The following PUDP variants were observed in gnomAD, a reference collection of about 807,000 sequenced individuals.
PUDP encodes the protein pseudouridine-5'-phosphatase.
PUDP carries 8 observed loss-of-function variants against 9.4 expected under a neutral mutation model. That is an observed-to-expected ratio of 0.85 (90% CI 0.50 to 1.53). The LOEUF (loss-of-function observed/expected upper bound fraction) is 1.53. Ranked by LOEUF, PUDP falls within the 40% of genes most tolerant of loss-of-function variation. PUDP has a pLI of 0.00. For synonymous variants in PUDP, 99 were observed against 80.7 expected (o/e 1.23, Z -1.22); for missense variants, 188 against 189.7 (o/e 0.99, Z 0.05).
chrX:6,809,991 G>C (rs1160223543), intron 3 of PUDP, among the ~76,000 whole-genome samples: 1 of 110,546 alleles, frequency 9.0e-6, no homozygotes, highest in Admixed American at 9.7e-5. Flanking sequence ...AAGGTGGGAA[G>C]ATCACTGGAG....
At chrX:7,015,644 T>C (rs772006295) in intron 1 of PUDP, among the ~76,000 whole-genome samples, 2 of 111,592 alleles carry the variant, frequency 1.8e-5, no homozygotes, top group South Asian at 7.7e-4. Flanking sequence ...GCCTGATCCA[T>C]GGTTCACCAC....
At chrX:6,778,371 C>T (rs1364625147) in intron 3 of PUDP, among the ~76,000 whole-genome samples, 1 of 112,454 alleles carries the variant, frequency 8.9e-6, no homozygotes, top group African/African-American at 3.2e-5. Context: ...GCTGAAAAAC[C>T]AGGATGACGA....
intron 3 of PUDP, among the ~76,000 whole-genome samples, chrX:6,737,188 T>A (rs985295341): frequency 1.8e-5 from 2 of 111,266 alleles, no homozygotes; most frequent in African/African-American, 6.5e-5. Context: ...GGAAGGATCC[T>A]CCCCTAGAGG....
chrX:6,987,145 T>C (rs1423945975), intron 1 of PUDP, among the ~76,000 whole-genome samples: 7 of 112,028 alleles, frequency 6.2e-5, no homozygotes, highest in South Asian at 3.7e-4. Context: ...TGGGATGTGA[T>C]GGATGTGGAC....
intron 1 of PUDP, among the ~76,000 whole-genome samples, chrX:6,981,086 T>C (rs777805770): frequency 8.9e-6 from 1 of 112,145 alleles, no homozygotes; most frequent in African/African-American, 3.2e-5. Context: ...TAAATTGATG[T>C]TGAATTGGAT....
At chrX:7,079,926 G>C (rs922522131) in intron 2 of PUDP, among the ~76,000 whole-genome samples, 1 of 111,835 alleles carries the variant, frequency 8.9e-6, no homozygotes, top group Admixed American at 9.5e-5. Flanking sequence ...CCTTAAGAAA[G>C]TGAAGGAAAA....
intron 3 of PUDP, among the ~76,000 whole-genome samples, chrX:6,808,888 C>T (rs1926094278): frequency 4.5e-5 from 5 of 112,339 alleles, no homozygotes; most frequent in South Asian, 3.7e-4. Flanking sequence ...AAAGAGGAAA[C>T]GGTTGCCTTG....
chrX:6,723,493 T>A (rs1222239668), upstream of PUDP, among the ~76,000 whole-genome samples: 3 of 99,744 alleles, frequency 3.0e-5, no homozygotes, highest in Non-Finnish European at 6.0e-5. Flanking sequence ...AAATATATAG[T>A]TTGATATTAT....
rs181200864 is a variant in PUDP, at chrX:6,857,809, G to A, written c.*247+119324C>T. Among the ~76,000 whole-genome samples, 3 of 111,783 alleles carry A rather than the reference G, an allele frequency of 2.7e-5. No homozygotes were observed. In the East Asian group the frequency reaches 8.4e-4, roughly 31 times the overall value. On this transcript the variant is annotated intron_variant and NMD_transcript_variant, in intron 3 of 3. Transcript: ENST00000655425. ...TATGCCCTCCTACAGAACCTTGGCT[G>A]CCATATGTTGAACACTCACCCTGTG...
At chrX:6,928,375 A>G (rs907702538) in intron 3 of PUDP, among the ~76,000 whole-genome samples, 3 of 111,610 alleles carry the variant, frequency 2.7e-5, no homozygotes, top group African/African-American at 9.8e-5. Context: ...TGGGGAGGAC[A>G]TCAGAGAGAC....
At chrX:7,131,443 T>G (rs1334851304) in intron 1 of PUDP, among the ~76,000 whole-genome samples, 5 of 109,822 alleles carry the variant, frequency 4.6e-5, no homozygotes, top group Admixed American at 9.7e-5. Context: ...GGGCCCTACA[T>G]CCAATGGCAG....
At chrX:6,737,957 A>G (rs986195498) in intron 3 of PUDP, among the ~76,000 whole-genome samples, 3 of 111,576 alleles carry the variant, frequency 2.7e-5, no homozygotes, top group African/African-American at 9.8e-5. Context: ...GAAGGTCATG[A>G]TGAGATTAAT....
intron 3 of PUDP, among the ~76,000 whole-genome samples, chrX:6,881,231 T>C (rs1927341707): frequency 8.9e-6 from 1 of 112,063 alleles, no homozygotes; most frequent in Admixed American, 9.5e-5. Context: ...GCAAGTGCAA[T>C]TTTTATAATG....
chrX:7,092,782 A>G (rs1294405418), intron 2 of PUDP, among the ~76,000 whole-genome samples: 2 of 111,793 alleles, frequency 1.8e-5, no homozygotes, highest in Non-Finnish European at 3.8e-5. Context: ...CTTGGGGCGT[A>G]TGAGAGACAC....
At position 6,998,787 on chromosome X, in the gene PUDP, T is replaced by A. The variant is rs182975522; in HGVS notation, c.205-20444A>T. 2.7e-5 allele frequency among the ~76,000 whole-genome samples: 3 copies of A among 112,239 alleles called. No individual in the cohort carries two copies. The South Asian group carries it at 1.1e-3, about 42-fold the overall frequency. ...AATTTATTCAGTGTGAGTGGTATTA[T>A]AGTCTCTGATGAACAGATCACCCAC... On this transcript the variant is annotated intron_variant and NMD_transcript_variant, in intron 1 of 3. Transcript: ENST00000655425.
intron 3 of PUDP, among the ~76,000 whole-genome samples, chrX:6,922,510 C>T (rs1928040669): frequency 8.9e-6 from 1 of 112,474 alleles, no homozygotes; most frequent in African/African-American, 3.2e-5. Context: ...ATTTGGATCA[C>T]TACTCCCAAG....
intron 1 of PUDP, among the ~76,000 whole-genome samples, chrX:7,115,760 G>A (rs1932176002): frequency 8.9e-6 from 1 of 112,615 alleles, no homozygotes; most frequent in Non-Finnish European, 1.9e-5. Flanking sequence ...ACAGCACAGA[G>A]CCCAGATCCT....
chrX:6,749,742 C>G (rs1489036244), intron 3 of PUDP, among the ~76,000 whole-genome samples: 1 of 112,020 alleles, frequency 8.9e-6, no homozygotes, highest in African/African-American at 3.2e-5. Context: ...CAACAAGCCA[C>G]TTAAAAATCA....
intron 3 of PUDP, among the ~76,000 whole-genome samples, chrX:6,742,115 A>G (rs996045905): frequency 1.8e-5 from 2 of 111,537 alleles, no homozygotes; most frequent in African/African-American, 6.6e-5. Flanking sequence ...CGGACTCTCA[A>G]AGTGCTGGGA....
Sources: allele counts gnomAD v4.1 joint callset (sites outside exome capture counted in the v4.1 genomes callset), GRCh38; gene constraint gnomAD v4.1.1; transcripts MANE v1.5; gene names NCBI Gene and HGNC (gene_info 2026-07-23, HGNC 2026-07-21).